Variants in FBN2 observed in about 807,000 individuals in gnomAD.
The protein encoded by FBN2 is fibrillin-2.
A neutral mutation model predicts 355.6 loss-of-function variants in FBN2; 105 were observed. The observed-to-expected ratio is 0.30, with a 90% CI of 0.25 to 0.35. The LOEUF (loss-of-function observed/expected upper bound fraction) is 0.35, where lower values mean the gene tolerates loss of function less well. Among genes scored for constraint, FBN2 ranks in the 10% least tolerant of loss-of-function variants. The pLI is 1.00. For synonymous variants in FBN2, 1,350 were observed against 1,301.2 expected, an observed-to-expected ratio of 1.04 and a Z score of -0.81; for missense variants, 3,280 against 3,758.7, an observed-to-expected ratio of 0.87 and a Z score of 3.33.
chr5:128,488,335 T>C (rs1043351367), intron 5 of FBN2, among the ~76,000 whole-genome samples: 7 of 152,288 alleles, frequency 4.6e-5, no homozygotes, highest in African/African-American at 1.4e-4. Context: ...TGACTATATA[T>C]CAACCATGAA....
chr5:128,288,402 C>G, intron 53 of FBN2, 36 bp downstream of exon 53: 4 of 1,610,198 alleles, frequency 2.5e-6, no homozygotes, highest in Non-Finnish European at 3.4e-6. Context: ...CTTTCTATGT[C>G]AAGAAGAAAT....
chr5:128,489,264 G>T (rs1171614898), intron 5 of FBN2, among the ~76,000 whole-genome samples: 4 of 152,174 alleles, frequency 2.6e-5, no homozygotes, highest in African/African-American at 9.7e-5. Context: ...AGTCATGCTA[G>T]ATCGAAGTCA....
chr5:128,464,072 A>G (rs1403227072), intron 6 of FBN2, among the ~76,000 whole-genome samples: 1 of 152,222 alleles, frequency 6.6e-6, no homozygotes, highest in Non-Finnish European at 1.5e-5. Context: ...AATTAAAATA[A>G]TTAATCAGTA....
chr5:128,373,142 T>C (rs1279424791), intron 15 of FBN2, among the ~76,000 whole-genome samples: 1 of 152,238 alleles, frequency 6.6e-6, no homozygotes, highest in Admixed American at 6.5e-5. Context: ...GTGAACAAGA[T>C]AATGAAATTT....
At chr5:128,274,528 A>G (rs1185422547) in intron 60 of FBN2, 39 bp downstream of exon 60, 6 of 1,083,760 alleles carry the variant, frequency 5.5e-6, no homozygotes. Flanking sequence ...TGCATCTACT[A>G]GAAGTTTGTA....
intron 48 of FBN2, among the ~76,000 whole-genome samples, chr5:128,297,760 A>G (rs937819424): frequency 4.6e-5 from 7 of 152,200 alleles, no homozygotes; most frequent in African/African-American, 1.2e-4. Context: ...TCCTGAATAC[A>G]GCACACTGAT....
intron 20 of FBN2, among the ~76,000 whole-genome samples, chr5:128,351,501 T>G (rs1561784692): frequency 6.6e-6 from 1 of 151,638 alleles, no homozygotes; most frequent in Non-Finnish European, 1.5e-5. Flanking sequence ...GAGCCAAGAT[T>G]GTGCCATTGC....
chr5:128,402,263 T>C (rs1752816733), intron 8 of FBN2, among the ~76,000 whole-genome samples: 1 of 152,160 alleles, frequency 6.6e-6, no homozygotes, highest in Admixed American at 6.5e-5. Flanking sequence ...CAAAGCCAGA[T>C]GAAAGCCTGT....
intron 5 of FBN2, among the ~76,000 whole-genome samples, chr5:128,473,113 G>A (rs1392739337): frequency 6.6e-6 from 1 of 152,148 alleles, no homozygotes; most frequent in Non-Finnish European, 1.5e-5. Flanking sequence ...ACTTTGGCAA[G>A]TTTTTCTGTA....
intron 2 of FBN2, among the ~76,000 whole-genome samples, chr5:128,533,383 G>A (rs1427726988): frequency 1.3e-5 from 2 of 152,152 alleles, no homozygotes; most frequent in Non-Finnish European, 1.5e-5. Flanking sequence ...CTGTATCTGT[G>A]AGCCAATGAG....
In FBN2 at chr5:128,277,969, G is replaced by A. The variant is rs1019541548; in HGVS notation, c.7382C>T (p.Thr2461Ile). ...DECKVMPNLC[T>I]NGQCINTMGS... is the part of the protein sequence containing the mutation. ...CATGGTATTGATGCACTGACCATTG[G>A]TGCAGAGGTTTGGCATTACCTTACA... The change falls in exon 58 of 65, where the codon ACC becomes ATC. Residue 2461 changes from threonine to isoleucine, a missense_variant. By Grantham distance (89) the Thr-to-Ile change is moderately conservative. Coordinates refer to ENST00000262464, the MANE Select transcript of FBN2 (RefSeq NM_001999.4). 1 of 1,613,964 alleles carries A rather than the reference G, an allele frequency of 6.2e-7. No individual in the cohort carries two copies. The highest frequency in any genetic ancestry group is 8.5e-7 in the Non-Finnish European group (1 of 1,179,894).
chr5:128,329,566 T>C (rs1190169013), intron 33 of FBN2, among the ~76,000 whole-genome samples: 1 of 152,162 alleles, frequency 6.6e-6, no homozygotes, highest in East Asian at 1.9e-4. Context: ...TAATAATGCA[T>C]GTTGACTGAG....
intron 7 of FBN2, among the ~76,000 whole-genome samples, chr5:128,433,366 C>T (rs1405581318): frequency 6.6e-6 from 1 of 152,096 alleles, no homozygotes; most frequent in Non-Finnish European, 1.5e-5. Context: ...TTTTACGATC[C>T]TCTCTTTTAC....
intron 57 of FBN2, among the ~76,000 whole-genome samples, chr5:128,278,423 C>T (rs548014745): frequency 6.6e-5 from 10 of 152,200 alleles, no homozygotes; most frequent in East Asian, 3.9e-4. Context: ...AGGTCTGATA[C>T]GAAGATTAAC....
At chr5:128,384,558 T>C (rs1752317218) in intron 11 of FBN2, among the ~76,000 whole-genome samples, 1 of 152,122 alleles carries the variant, frequency 6.6e-6, no homozygotes, top group African/African-American at 2.4e-5. Flanking sequence ...TTACAGACTT[T>C]TAGGAGTCAT....
chr5:128,488,363 T>G (rs1402658596), intron 5 of FBN2, among the ~76,000 whole-genome samples: 1 of 152,180 alleles, frequency 6.6e-6, no homozygotes, highest in African/African-American at 2.4e-5. Flanking sequence ...TAAGTTTCAA[T>G]CTATCGTGTA....
At chr5:128,450,678 AATAATGATG>A (rs1363888002) in intron 6 of FBN2, among the ~76,000 whole-genome samples, 2 of 152,082 alleles carry the variant, frequency 1.3e-5, no homozygotes, top group African/African-American at 4.8e-5. Flanking sequence ...GAATCAATAA[AATAATGATG>A]ATAAAATACA....
intron 15 of FBN2, among the ~76,000 whole-genome samples, chr5:128,372,892 G>C (rs1489789028): frequency 6.6e-6 from 1 of 152,164 alleles, no homozygotes; most frequent in Non-Finnish European, 1.5e-5. Context: ...ATCCCAAAGT[G>C]TTGGGATTAC....
intron 5 of FBN2, among the ~76,000 whole-genome samples, chr5:128,472,983 A>G (rs1323828112): frequency 6.6e-6 from 1 of 152,202 alleles, no homozygotes; most frequent in Non-Finnish European, 1.5e-5. Context: ...CATGGAGGGC[A>G]TGGAAATATT....
Sources: gnomAD v4.1 joint callset for allele counts (sites outside exome capture counted in the v4.1 genomes callset) on GRCh38, gnomAD v4.1.1 for gene constraint, MANE v1.5 for transcripts, NCBI Gene and HGNC (gene_info 2026-07-23, HGNC 2026-07-21) for gene names.